Variants in ZNF654 observed in about 807,000 individuals in gnomAD.
ZNF654 encodes melanoma-associated antigen.
A neutral mutation model predicts 95.3 loss-of-function variants in ZNF654; 19 were observed. That is an observed-to-expected ratio of 0.20 (90% confidence interval 0.14 to 0.29). The LOEUF (loss-of-function observed/expected upper bound fraction) is 0.29. Ranked by LOEUF, ZNF654 falls within the 10% of genes least tolerant of loss-of-function variation. The probability of loss-of-function intolerance (pLI) is 1.00; values close to 1 mark genes in which losing one functional copy is unlikely to be tolerated. For synonymous variants in ZNF654, 413 were observed against 457.9 expected, an observed-to-expected ratio of 0.90 and a Z score of 1.25; for missense variants, 1,046 against 1,341.0, an observed-to-expected ratio of 0.78 and a Z score of 3.44.
chr3:88,081,405 A>T (rs1708068861), intron 1 of ZNF654, among the ~76,000 whole-genome samples: 1 of 151,962 alleles, frequency 6.6e-6, no homozygotes, highest in Non-Finnish European at 1.5e-5. Context: ...TTCTCCTCAA[A>T]TTTTCACTCA....
chr3:88,082,678 C>T (rs1320477517), intron 1 of ZNF654, among the ~76,000 whole-genome samples: 3 of 152,070 alleles, frequency 2.0e-5, no homozygotes, highest in Non-Finnish European at 4.4e-5. Flanking sequence ...ATTGTTTGCT[C>T]AGTGACAAAC....
rs1311336634 is a variant in ZNF654, at chr3:88,142,374, A to T, written c.*722A>T. 16 of 152,358 alleles carry T rather than the reference A, an allele frequency of 1.1e-4. No individual in the cohort carries two copies. The Admixed American group carries it at 1.1e-3, about 10-fold the overall frequency. The allele number at this position is 152,358 out of a possible 1,614,324, so 9.4% of individuals were successfully genotyped here. On this transcript the variant is annotated 3_prime_UTR_variant, in exon 9 of 9. Transcript: ENST00000636215. ...CCACTTTTGTGGTACAAATTAGTTA[A>T]CATTTAAAGGGCAGCAGTGTCAATA...
At chr3:88,084,050 G>A (rs565246698) in intron 1 of ZNF654, among the ~76,000 whole-genome samples, 8 of 151,906 alleles carry the variant, frequency 5.3e-5, no homozygotes, top group African/African-American at 1.9e-4. Context: ...AATGTAAAAC[G>A]GTATCTAAAT....
chr3:88,108,368 A>G (rs1704873509), intron 2 of ZNF654, among the ~76,000 whole-genome samples: 1 of 152,144 alleles, frequency 6.6e-6, no homozygotes, highest in Non-Finnish European at 1.5e-5. Flanking sequence ...GAATCATTAA[A>G]GGTACCTAGT....
chr3:88,125,219 A>C (rs543857551), intron 3 of ZNF654, among the ~76,000 whole-genome samples: 1 of 151,834 alleles, frequency 6.6e-6, no homozygotes, highest in Non-Finnish European at 1.5e-5. Context: ...CCATCTCAAA[A>C]AAAAAAACAA....
chr3:88,086,547 G>T (rs970000143), intron 2 of ZNF654, 145 bp downstream of exon 2: 4 of 729,922 alleles, frequency 5.5e-6, no homozygotes, highest in South Asian at 3.3e-5. Context: ...AAGTATTCAG[G>T]TTTAATTTTG....
chr3:88,079,697 T>C (rs537243154), intron 1 of ZNF654, among the ~76,000 whole-genome samples: 110 of 152,130 alleles, frequency 7.2e-4, no homozygotes, highest in African/African-American at 2.4e-3. Context: ...ACAGTATGAT[T>C]GTATGGAATA....
chr3:88,141,184 T>G, intron 8 of ZNF654, 136 bp downstream of exon 8: 1 of 992,514 alleles, frequency 1.0e-6, no homozygotes, highest in East Asian at 2.6e-5. Context: ...CATACATTAT[T>G]TCCTTTAATA....
At chr3:88,091,272 A>G (rs1357697514) in intron 2 of ZNF654, among the ~76,000 whole-genome samples, 1 of 152,232 alleles carries the variant, frequency 6.6e-6, no homozygotes, top group Non-Finnish European at 1.5e-5. Flanking sequence ...ATTTCCTTAA[A>G]GAACTGGCTA....
chr3:88,066,341 A>G (rs897955029), intron 1 of ZNF654, among the ~76,000 whole-genome samples: 2 of 152,158 alleles, frequency 1.3e-5, no homozygotes, highest in Non-Finnish European at 2.9e-5. Context: ...TGGGAGTCCA[A>G]GGCAGGCAAA....
Position 88,083,941 on chromosome 3 carries a change from T to TTATATA in ZNF654, c.187-2295_187-2290dup, listed in dbSNP as rs78670676. 3.0e-3 allele frequency among the ~76,000 whole-genome samples: 444 copies of TTATATA among 147,788 alleles called. 5 individuals carry two copies. The highest frequency in any genetic ancestry group is 8.8e-3 in the African/African-American group (353 of 40,134). On this transcript the variant is annotated intron_variant, in intron 1 of 8. Transcript: ENST00000636215. ...AATAGGACAATGTAATGTACTTATT[T>TTATATA]TATATATATATATATATATATATAT...
chr3:88,126,634 G>C (rs1283459913), intron 4 of ZNF654, among the ~76,000 whole-genome samples: 1 of 128,072 alleles, frequency 7.8e-6, no homozygotes, highest in Non-Finnish European at 1.6e-5. Flanking sequence ...TTTCATGAAA[G>C]CACATGGAAT....
At chr3:88,070,429 CT>C (rs928226050) in intron 1 of ZNF654, among the ~76,000 whole-genome samples, 190 of 145,344 alleles carry the variant, frequency 1.3e-3, no homozygotes, top group Admixed American at 1.8e-3. Flanking sequence ...ATCCAAATTT[CT>C]TTTTTTTTTT....
intron 3 of ZNF654, among the ~76,000 whole-genome samples, chr3:88,122,719 A>C (rs1479950210): frequency 1.3e-5 from 2 of 152,128 alleles, no homozygotes; most frequent in African/African-American, 4.8e-5. Context: ...AGAAAAATAC[A>C]ATATGTATGG....
At chr3:88,131,175 C>T (rs1335050761) in intron 6 of ZNF654, among the ~76,000 whole-genome samples, 1 of 151,930 alleles carries the variant, frequency 6.6e-6, no homozygotes, top group East Asian at 1.9e-4. Flanking sequence ...ATGCTGTAGG[C>T]AATTATAACA....
intron 2 of ZNF654, among the ~76,000 whole-genome samples, chr3:88,109,651 A>C (rs1301830767): frequency 6.6e-6 from 1 of 152,176 alleles, no homozygotes; most frequent in East Asian, 1.9e-4. Context: ...AGACCTGCAC[A>C]GTTTAAATCT....
intron 1 of ZNF654, among the ~76,000 whole-genome samples, chr3:88,060,965 C>G (rs1706845431): frequency 6.6e-6 from 1 of 152,080 alleles, no homozygotes; most frequent in Non-Finnish European, 1.5e-5. Context: ...AAGAGTATGT[C>G]AGTTTCTTTG....
intron 1 of ZNF654, among the ~76,000 whole-genome samples, chr3:88,072,532 G>T (rs1401074696): frequency 6.6e-6 from 1 of 151,936 alleles, no homozygotes; most frequent in African/African-American, 2.4e-5. Flanking sequence ...CTTTTGTTTT[G>T]TCTGCCAGAA....
At chr3:88,096,154 T>C (rs1704046224) in intron 2 of ZNF654, among the ~76,000 whole-genome samples, 1 of 151,972 alleles carries the variant, frequency 6.6e-6, no homozygotes, top group Non-Finnish European at 1.5e-5. Context: ...ATGTCAACCA[T>C]CCTAGATAAT....
Sources: allele counts gnomAD v4.1 joint callset (sites outside exome capture counted in the v4.1 genomes callset), GRCh38; gene constraint gnomAD v4.1.1; transcripts MANE v1.5; gene names NCBI Gene and HGNC (gene_info 2026-07-23, HGNC 2026-07-21).